CNTN6: variants seen among roughly 807,000 people sequenced by gnomAD.
CNTN6 encodes the protein contactin-6.
Under a neutral mutation model 122.8 loss-of-function variants are expected in CNTN6, and 137 were observed. The observed-to-expected ratio is 1.12, with a 90% CI of 0.97 to 1.29. CNTN6 has a LOEUF of 1.29. Among genes scored for constraint, CNTN6 ranks in the 50% most tolerant of loss-of-function variants. The probability of loss-of-function intolerance (pLI) is 0.00; values close to 1 mark genes in which losing one functional copy is unlikely to be tolerated. For synonymous variants in CNTN6, 570 were observed against 426.0 expected, an observed-to-expected ratio of 1.34 and a Z score of -4.16; for missense variants, 1,634 against 1,223.4, an observed-to-expected ratio of 1.34 and a Z score of -5.01.
chr3:1,231,991 T>C (rs1200540036), intron 4 of CNTN6, among the ~76,000 whole-genome samples: 1 of 152,210 alleles, frequency 6.6e-6, no homozygotes, highest in Non-Finnish European at 1.5e-5. Context: ...TCCTTTTGTA[T>C]GTATGTATGT....
chr3:1,384,788 TATATATATAC>T (rs1298268082), intron 19 of CNTN6, among the ~76,000 whole-genome samples: 1 of 129,488 alleles, frequency 7.7e-6, no homozygotes, highest in Admixed American at 7.8e-5. Flanking sequence ...TATATATATA[TATATATATAC>T]ACACACACAC....
chr3:1,256,153 G>A (rs927402442), intron 4 of CNTN6, among the ~76,000 whole-genome samples: 2 of 152,122 alleles, frequency 1.3e-5, no homozygotes, highest in Non-Finnish European at 2.9e-5. Context: ...TTACAGGCAT[G>A]AGCCACCAAG....
At chr3:1,136,059 C>T (rs890589119) in intron 1 of CNTN6, among the ~76,000 whole-genome samples, 1 of 152,110 alleles carries the variant, frequency 6.6e-6, no homozygotes, top group Non-Finnish European at 1.5e-5. Flanking sequence ...GCAATTAAAA[C>T]CCACCCAATT....
chr3:1,130,570 G>C (rs1574957679), intron 1 of CNTN6, among the ~76,000 whole-genome samples: 1 of 152,208 alleles, frequency 6.6e-6, no homozygotes, highest in East Asian at 1.9e-4. Context: ...CTGAGATCCA[G>C]TTGATGACAC....
At chr3:1,361,540 A>G (rs1166920762) in intron 12 of CNTN6, among the ~76,000 whole-genome samples, 6 of 152,174 alleles carry the variant, frequency 3.9e-5, no homozygotes, top group Non-Finnish European at 8.8e-5. Flanking sequence ...GTCCAAAATT[A>G]TACTTATTTC....
At chr3:1,186,035 A>G (rs920752520) in intron 2 of CNTN6, among the ~76,000 whole-genome samples, 4 of 152,198 alleles carry the variant, frequency 2.6e-5, no homozygotes, top group Non-Finnish European at 5.9e-5. Context: ...AAGGGAATAT[A>G]AATGTGATTT....
chr3:1,136,038 T>C (rs752299726), intron 1 of CNTN6, among the ~76,000 whole-genome samples: 3 of 152,146 alleles, frequency 2.0e-5, no homozygotes, highest in Non-Finnish European at 2.9e-5. Flanking sequence ...GAGTCACTGA[T>C]TGGCATGAAA....
At chr3:1,327,041 A>G (rs1411306170) in intron 9 of CNTN6, among the ~76,000 whole-genome samples, 4 of 151,924 alleles carry the variant, frequency 2.6e-5, no homozygotes. Flanking sequence ...TTATCACATC[A>G]TCACATTTCA....
chr3:1,152,645 C>T (rs1421511631), intron 2 of CNTN6, among the ~76,000 whole-genome samples: 2 of 152,092 alleles, frequency 1.3e-5, no homozygotes, highest in Non-Finnish European at 1.5e-5. Context: ...AATCTTTCAC[C>T]TTACCATGGC....
intron 2 of CNTN6, among the ~76,000 whole-genome samples, chr3:1,176,898 G>A (rs1366474420): frequency 6.6e-6 from 1 of 152,100 alleles, no homozygotes; most frequent in African/African-American, 2.4e-5. Context: ...ATTACAAGCA[G>A]AGTAAAAGGC....
intron 7 of CNTN6, among the ~76,000 whole-genome samples, chr3:1,314,187 T>C (rs1490079699): frequency 6.6e-6 from 1 of 152,140 alleles, no homozygotes; most frequent in African/African-American, 2.4e-5. Flanking sequence ...CATATTGTAT[T>C]GCCATAGGAC....
chr3:1,325,832 C>A lies in CNTN6; in HGVS notation c.964C>A (p.Gln322Lys), dbSNP rs907526947. The A allele has an allele frequency of 1.9e-6, 3 of 1,610,066 alleles. No individual in the cohort carries two copies. Among genetic ancestry groups the A allele is most frequent in the Middle Eastern group, 1.7e-4 (1 of 6,014 alleles). Residue 322 changes from glutamine to lysine, a missense_variant, in exon 9 of 23, where the codon CAG becomes AAG. Gln to Lys is a moderately conservative substitution (Grantham distance 53). Coordinates refer to ENST00000446702, the MANE Select transcript of CNTN6 (RefSeq NM_001289080.2). ...LIFYAPPEWE[Q>K]KIQNTHLSIY... ...TGAAACAGCTCCTCCAGAATGGGAA[C>A]AGAAAATCCAAAATACACACCTCTC...
At chr3:1,269,338 A>G (rs898218646) in intron 4 of CNTN6, among the ~76,000 whole-genome samples, 2 of 152,288 alleles carry the variant, frequency 1.3e-5, no homozygotes, top group Middle Eastern at 3.4e-3. Context: ...GGAATTCGTT[A>G]GTGGGTTATT....
At chr3:1,394,158 G>A (rs1694674705) in intron 20 of CNTN6, 3 of 191,542 alleles carry the variant, frequency 1.6e-5, no homozygotes, top group Non-Finnish European at 2.2e-5. Flanking sequence ...AGCTACATAG[G>A]AGAACTGCTC....
chr3:1,175,453 A>G (rs1286109320), intron 2 of CNTN6, among the ~76,000 whole-genome samples: 2 of 152,150 alleles, frequency 1.3e-5, no homozygotes, highest in African/African-American at 4.8e-5. Context: ...AGTCTACTCA[A>G]GGCTAACAGC....
intron 2 of CNTN6, among the ~76,000 whole-genome samples, chr3:1,188,204 A>T (rs995459051): frequency 6.6e-6 from 1 of 152,182 alleles, no homozygotes; most frequent in Non-Finnish European, 1.5e-5. Context: ...TATGAACTCA[A>T]TGGCTAGTCT....
intron 2 of CNTN6, among the ~76,000 whole-genome samples, chr3:1,173,047 A>G (rs759651025): frequency 3.3e-5 from 5 of 152,090 alleles, no homozygotes; most frequent in Non-Finnish European, 7.4e-5. Flanking sequence ...TTTATATCAC[A>G]CCAGAACTGA....
At chr3:1,149,750 T>C (rs2092799684) in intron 2 of CNTN6, among the ~76,000 whole-genome samples, 1 of 152,120 alleles carries the variant, frequency 6.6e-6, no homozygotes, top group East Asian at 1.9e-4. Flanking sequence ...AAATCATATA[T>C]GTGTGAATAA....
At chr3:1,141,939 A>G (rs375391766) in intron 1 of CNTN6, among the ~76,000 whole-genome samples, 3 of 152,214 alleles carry the variant, frequency 2.0e-5, no homozygotes, top group East Asian at 3.9e-4. Context: ...TTCTCACTGG[A>G]AAAAATAAAG....
Sources: allele counts gnomAD v4.1 joint callset (sites outside exome capture counted in the v4.1 genomes callset), GRCh38; gene constraint gnomAD v4.1.1; transcripts MANE v1.5; gene names NCBI Gene and HGNC (gene_info 2026-07-23, HGNC 2026-07-21).